Variants in PGM1 observed in about 807,000 individuals in gnomAD.
PGM1 encodes phosphoglucomutase 1, also known as phosphoglucomutase-1.
In PGM1, 52 loss-of-function variants were observed where a neutral mutation model predicts 55.6. The observed-to-expected ratio is 0.94, with a 90% CI of 0.75 to 1.18. The LOEUF is 1.18. PGM1 is among the 50% of genes most tolerant of loss of function. The pLI, the probability that PGM1 is intolerant of heterozygous loss-of-function variation, is 0.00. For synonymous variants in PGM1, 287 were observed against 271.7 expected, an observed-to-expected ratio of 1.06 and a Z score of -0.55; for missense variants, 724 against 729.3, an observed-to-expected ratio of 0.99 and a Z score of 0.08.
intron 3 of PGM1, among the ~76,000 whole-genome samples, 173 bp downstream of exon 3, chr1:63,630,261 A>G (rs1419672889): frequency 1.3e-5 from 2 of 152,132 alleles, no homozygotes; most frequent in Non-Finnish European, 2.9e-5. Context: ...GAGACCAGAG[A>G]CCTGGGCTCC....
chr1:63,593,526 A>C lies in PGM1; in HGVS notation c.38A>C (p.Gln13Pro), dbSNP rs371275043. 5.0e-6 allele frequency: 8 copies of C among 1,613,914 alleles called. No homozygotes were observed. Among genetic ancestry groups the C allele is most frequent in the Admixed American group, 3.3e-5 (2 of 60,026 alleles). The change falls in exon 1 of 11, where the codon CAG (glutamine) becomes CCG (proline). Residue 13 changes from glutamine to proline, a missense_variant. Gln to Pro is a moderately conservative substitution (Grantham distance 76). Transcript: ENST00000371084. Reference sequence around the variant, plus strand: ...GTGACAGTTAAGACCCAGGCGTACCAGGACCAGAAGCCGGGCACGAGCGGG... The same window carrying C: ...GTGACAGTTAAGACCCAGGCGTACCCGGACCAGAAGCCGGGCACGAGCGGG... ...KIVTVKTQAYQDQKPGTSGLR... is the reference protein window; with the variant it reads ...KIVTVKTQAYPDQKPGTSGLR...
intron 7 of PGM1, 61 bp from the exon 8 acceptor site, chr1:63,648,456 T>C (rs1233852990): frequency 3.1e-6 from 5 of 1,603,630 alleles, no homozygotes; most frequent in African/African-American, 1.3e-5. Flanking sequence ...CCATATCAAG[T>C]ACCTTCTCAG....
Position 63,656,240 on chromosome 1 carries a change from C to T in PGM1, c.1599+1774C>T, listed in dbSNP as rs547872585. The stretch of plus-strand genomic sequence containing the variant: ...AAAACCACAATGAGCTGTCACCTCA[C>T]ACCTGTTAGGATGGCTGTTCTCAAA... On this transcript the variant is annotated intron_variant, in intron 10 of 10. Coordinates refer to ENST00000371084, the MANE Select transcript of PGM1 (RefSeq NM_002633.3). 2.6e-5 allele frequency among the ~76,000 whole-genome samples: 4 copies of T among 152,294 alleles called. No individual in the cohort carries two copies. The South Asian group carries it at 8.3e-4, about 32-fold the overall frequency.
chr1:63,608,638 G>T (rs1648489720), intron 1 of PGM1, among the ~76,000 whole-genome samples: 1 of 152,230 alleles, frequency 6.6e-6, no homozygotes, highest in South Asian at 2.1e-4. Context: ...GGAACAAGAT[G>T]AAGTGCTTTT....
intron 7 of PGM1, among the ~76,000 whole-genome samples, chr1:63,643,018 G>A (rs1207198400): frequency 3.9e-5 from 6 of 152,196 alleles, no homozygotes; most frequent in South Asian, 2.1e-4. Flanking sequence ...GGGGTACTTC[G>A]GGAGCTTTAT....
intron 4 of PGM1, among the ~76,000 whole-genome samples, chr1:63,633,910 GTGTGTGTGTATATATATA>G (rs979337926): frequency 1.8e-4 from 6 of 33,886 alleles, no homozygotes; most frequent in African/African-American, 1.4e-3. Context: ...GTGTGTGTGT[GTGTGTGTGTATATATATA>G]TATATTTTTT....
At chr1:63,593,884 C>T (rs1163879137) in intron 1 of PGM1, 150 bp downstream of exon 1, 2 of 1,275,376 alleles carry the variant, frequency 1.6e-6, no homozygotes, top group East Asian at 3.5e-5. Flanking sequence ...CGCGCTCGCT[C>T]TTCTGGCCTG....
At chr1:63,612,919 G>T (rs567575229) in intron 1 of PGM1, among the ~76,000 whole-genome samples, 1 of 152,146 alleles carries the variant, frequency 6.6e-6, no homozygotes, top group Non-Finnish European at 1.5e-5. Flanking sequence ...CTGAAAACTC[G>T]CCTCCTTGCT....
chr1:63,618,814 GT>G (rs1648811486), intron 1 of PGM1, among the ~76,000 whole-genome samples: 1 of 152,100 alleles, frequency 6.6e-6, no homozygotes, highest in Non-Finnish European at 1.5e-5. Flanking sequence ...CCCAGCCCCT[GT>G]TCCCGATTCT....
chr1:63,622,532 A>G (rs1332338412), intron 1 of PGM1, among the ~76,000 whole-genome samples: 1 of 152,240 alleles, frequency 6.6e-6, no homozygotes, highest in Non-Finnish European at 1.5e-5. Context: ...TCTCATGTTC[A>G]TATTATTTTT....
At chr1:63,598,239 A>G (rs1380316489) in intron 1 of PGM1, among the ~76,000 whole-genome samples, 1 of 152,190 alleles carries the variant, frequency 6.6e-6, no homozygotes. Context: ...CTTGCCTCCC[A>G]AAGTGCTGGG....
At chr1:63,599,314 C>T (rs1648166633) in intron 1 of PGM1, among the ~76,000 whole-genome samples, 1 of 152,060 alleles carries the variant, frequency 6.6e-6, no homozygotes, top group African/African-American at 2.4e-5. Flanking sequence ...TACAGGCGTG[C>T]ACCACCATAC....
intron 1 of PGM1, among the ~76,000 whole-genome samples, chr1:63,607,554 A>T (rs1648455122): frequency 6.6e-6 from 1 of 152,202 alleles, no homozygotes; most frequent in Non-Finnish European, 1.5e-5. Context: ...GCAGAAGATA[A>T]GTGTGTCTTT....
chr1:63,633,292 G>A (rs1370422524), intron 4 of PGM1, among the ~76,000 whole-genome samples: 2 of 152,204 alleles, frequency 1.3e-5, no homozygotes, highest in Non-Finnish European at 2.9e-5. Flanking sequence ...GAAACGAGAG[G>A]CCTGGGCTGG....
chr1:63,611,255 G>A (rs1648555960), intron 1 of PGM1, among the ~76,000 whole-genome samples: 1 of 152,072 alleles, frequency 6.6e-6, no homozygotes, highest in South Asian at 2.1e-4. Context: ...AGTCCTGAAG[G>A]ATGATAAAGA....
intron 1 of PGM1, among the ~76,000 whole-genome samples, chr1:63,595,694 C>G (rs1346426387): frequency 6.6e-6 from 1 of 152,088 alleles, no homozygotes; most frequent in Non-Finnish European, 1.5e-5. Context: ...TGTTGAATAC[C>G]ATGTTCAGAG....
At chr1:63,629,361 G>A (rs558452425) in intron 1 of PGM1, 64 bp from the exon 2 acceptor site, 1 of 1,386,348 alleles carries the variant, frequency 7.2e-7, no homozygotes, top group South Asian at 1.2e-5. Context: ...TCTTGGTGTT[G>A]TTTCTGAGCG....
At chr1:63,615,521 C>T (rs971178709) in intron 1 of PGM1, among the ~76,000 whole-genome samples, 1 of 147,554 alleles carries the variant, frequency 6.8e-6, no homozygotes, top group South Asian at 2.2e-4. Context: ...AGAAAATAAC[C>T]TCACCATTTC....
chr1:63,617,354 G>T (rs1648764108), intron 1 of PGM1, among the ~76,000 whole-genome samples: 1 of 152,180 alleles, frequency 6.6e-6, no homozygotes, highest in Admixed American at 6.5e-5. Flanking sequence ...TTAGGGTTCA[G>T]TGAGCCCCTA....
Sources: allele counts gnomAD v4.1 joint callset (sites outside exome capture counted in the v4.1 genomes callset), GRCh38; gene constraint gnomAD v4.1.1; transcripts MANE v1.5; gene names NCBI Gene and HGNC (gene_info 2026-07-23, HGNC 2026-07-21).